KCNIP1: variants seen among roughly 807,000 people sequenced by gnomAD.
KCNIP1 encodes potassium voltage-gated channel interacting protein 1.
Under a neutral mutation model 33.0 loss-of-function variants are expected in KCNIP1, and 18 were observed. That is an observed-to-expected ratio of 0.55 (90% CI 0.38 to 0.81). KCNIP1 has a LOEUF of 0.81. Ranked by LOEUF, KCNIP1 falls within the 30% of genes least tolerant of loss-of-function variation. The pLI is 0.00. For synonymous variants in KCNIP1, 93 were observed against 98.3 expected, an observed-to-expected ratio of 0.95 and a Z score of 0.32; for missense variants, 238 against 271.6, an observed-to-expected ratio of 0.88 and a Z score of 0.87.
intron 1 of KCNIP1, among the ~76,000 whole-genome samples, chr5:170,650,126 A>G (rs1242223547): frequency 6.6e-6 from 1 of 152,230 alleles, no homozygotes; most frequent in Non-Finnish European, 1.5e-5. Context: ...ATACCCTTTA[A>G]TGTAAATATT....
intron 1 of KCNIP1, among the ~76,000 whole-genome samples, chr5:170,707,740 C>G (rs908003950): frequency 2.0e-5 from 3 of 151,726 alleles, no homozygotes; most frequent in African/African-American, 7.3e-5. Flanking sequence ...ATTTCCAAGT[C>G]ATTTGATCTT....
intron 1 of KCNIP1, among the ~76,000 whole-genome samples, chr5:170,539,140 A>G (rs1403837345): frequency 6.6e-6 from 1 of 152,050 alleles, no homozygotes; most frequent in African/African-American, 2.4e-5. Context: ...TCTCTAGTCT[A>G]CACTATTGCA....
At chr5:170,390,842 TC>T (rs1386383695) in intron 1 of KCNIP1, among the ~76,000 whole-genome samples, 1 of 152,000 alleles carries the variant, frequency 6.6e-6, no homozygotes, top group East Asian at 1.9e-4. Context: ...ACCCTGAGTT[TC>T]CCCAGCCCCC....
At chr5:170,656,902 G>A (rs1056842973) in intron 1 of KCNIP1, among the ~76,000 whole-genome samples, 6 of 151,736 alleles carry the variant, frequency 4.0e-5, no homozygotes, top group South Asian at 2.1e-4. Context: ...ATCCCCACCC[G>A]TCCCCATGCT....
intron 1 of KCNIP1, among the ~76,000 whole-genome samples, chr5:170,625,029 G>A (rs913186165): frequency 6.6e-6 from 1 of 152,020 alleles, no homozygotes; most frequent in Non-Finnish European, 1.5e-5. Context: ...TATTGCAGAT[G>A]GATGCCCTCG....
chr5:170,697,596 A>G (rs1762940896), intron 1 of KCNIP1, among the ~76,000 whole-genome samples: 1 of 152,166 alleles, frequency 6.6e-6, no homozygotes, highest in Non-Finnish European at 1.5e-5. Context: ...GAAACGTCCA[A>G]GGAGGCAATT....
chr5:170,392,336 G>A (rs78588587), intron 1 of KCNIP1, among the ~76,000 whole-genome samples: 362 of 152,258 alleles, frequency 2.4e-3, no homozygotes, highest in African/African-American at 8.4e-3. Flanking sequence ...CAAAATCCAC[G>A]AGAAGAAAAA....
chr5:170,561,028 A>G (rs1757017256), intron 1 of KCNIP1: 2 of 448,998 alleles, frequency 4.5e-6, no homozygotes, highest in Non-Finnish European at 9.0e-6. Context: ...CATCCGTGCC[A>G]TCCAACGGGC....
chr5:170,353,627 C>A (rs565523605), exon 1 of KCNIP1: 3 of 566,348 alleles, frequency 5.3e-6, no homozygotes, highest in Middle Eastern at 4.7e-4. Context: ...GAGGTCCTCC[C>A]GTGGTGAGGA....
chr5:170,683,729 T>C (rs1369072222), intron 1 of KCNIP1, among the ~76,000 whole-genome samples: 3 of 151,856 alleles, frequency 2.0e-5, no homozygotes, highest in Non-Finnish European at 4.4e-5. Flanking sequence ...TTAAGGTTTT[T>C]TTTTTTTTCT....
intron 1 of KCNIP1, among the ~76,000 whole-genome samples, chr5:170,566,782 G>A (rs753633544): frequency 6.6e-6 from 1 of 152,368 alleles, no homozygotes; most frequent in East Asian, 1.9e-4. Context: ...GGAGCACCAT[G>A]AAATTAATGA....
At chr5:170,670,197 T>G (rs1241768156) in intron 1 of KCNIP1, among the ~76,000 whole-genome samples, 3 of 152,208 alleles carry the variant, frequency 2.0e-5, no homozygotes, top group African/African-American at 7.2e-5. Flanking sequence ...TCTAATATTT[T>G]CTTAGTGAAT....
chr5:170,582,760 C>T (rs952249744), intron 1 of KCNIP1, among the ~76,000 whole-genome samples: 7 of 152,226 alleles, frequency 4.6e-5, no homozygotes, highest in African/African-American at 1.7e-4. Context: ...TGGAGTTTCC[C>T]AAAGTACACA....
chr5:170,436,189 T>C (rs1306628530), intron 1 of KCNIP1, among the ~76,000 whole-genome samples: 1 of 152,186 alleles, frequency 6.6e-6, no homozygotes, highest in African/African-American at 2.4e-5. Context: ...AATGAGATAG[T>C]ATTCTAAAAC....
intron 1 of KCNIP1, among the ~76,000 whole-genome samples, chr5:170,559,380 T>G (rs1007926087): frequency 6.6e-6 from 1 of 152,210 alleles, no homozygotes; most frequent in Non-Finnish European, 1.5e-5. Context: ...TCCTCCCCAG[T>G]ATCTAGCATA....
intron 1 of KCNIP1, among the ~76,000 whole-genome samples, chr5:170,492,631 T>C (rs998986274): frequency 7.2e-5 from 11 of 152,156 alleles, no homozygotes; most frequent in African/African-American, 2.7e-4. Context: ...CCTGAAGCTA[T>C]CAAAGGCTCA....
intron 5 of KCNIP1, among the ~76,000 whole-genome samples, chr5:170,729,565 A>T (rs1232626960): frequency 6.6e-6 from 1 of 152,114 alleles, no homozygotes; most frequent in Non-Finnish European, 1.5e-5. Flanking sequence ...AGTCAGAAAT[A>T]GGTGAACACA....
chr5:170,379,102 A>G, intron 1 of KCNIP1: 1 of 1,137,260 alleles, frequency 8.8e-7, no homozygotes, highest in Non-Finnish European at 1.2e-6. Context: ...GCTTTGGTCT[A>G]AAGCTTGGCA....
At chr5:170,484,942 CTTTTTT>C (rs397999898) in intron 1 of KCNIP1, among the ~76,000 whole-genome samples, 86 of 129,484 alleles carry the variant, frequency 6.6e-4, no homozygotes, top group African/African-American at 1.7e-3. Flanking sequence ...TTTCTTTTTT[CTTTTTT>C]TTTTTTTTTG....
Sources: gnomAD v4.1 joint callset for allele counts (sites outside exome capture counted in the v4.1 genomes callset) on GRCh38, gnomAD v4.1.1 for gene constraint, MANE v1.5 for transcripts, NCBI Gene and HGNC (gene_info 2026-07-23, HGNC 2026-07-21) for gene names.